Variants in ZFHX3 observed in about 807,000 individuals in gnomAD.
The protein encoded by ZFHX3 is zinc finger homeobox 3.
In ZFHX3, 42 loss-of-function variants were observed where a neutral mutation model predicts 279.1. The observed-to-expected ratio is 0.15, with a 90% CI of 0.12 to 0.19. ZFHX3 has a LOEUF of 0.19. Among genes scored for constraint, ZFHX3 ranks in the 10% least tolerant of loss-of-function variants. The pLI, the probability that ZFHX3 is intolerant of heterozygous loss-of-function variation, is 1.00. For missense variants in ZFHX3, 4,981 were observed against 4,754.0 expected (o/e 1.05, Z -1.40); for synonymous variants, 2,293 against 1,957.8 (o/e 1.17, Z -4.52).
At chr16:73,698,010 T>C (rs996526908) in intron 1 of ZFHX3, among the ~76,000 whole-genome samples, 3 of 151,834 alleles carry the variant, frequency 2.0e-5, no homozygotes, top group Non-Finnish European at 2.9e-5. Context: ...ATCTTTGTAG[T>C]GCCACAGCAT....
chr16:72,957,437 C>T lies in ZFHX3; in HGVS notation c.2709G>A (p.Thr903=), dbSNP rs150583300. The change falls in exon 2 of 10, where the codon ACG becomes ACA. Residue 903 remains threonine (T), a synonymous_variant. Coordinates refer to ENST00000268489, the MANE Select transcript of ZFHX3 (RefSeq NM_006885.4). ...CGTAGTCATCCTCACCTAGAGCAGG[C>T]GTCATGGCGGCCATGGGCCCGGCGG... The part of the protein sequence containing the change: ...LDPAGPMAAM[T]PALVGGEIPL... 185 of 1,608,894 alleles carry T rather than the reference C, an allele frequency of 1.1e-4. No homozygotes were observed. Among genetic ancestry groups the T allele is most frequent in the South Asian group, 7.8e-4 (70 of 90,210 alleles).
chr16:73,462,499 A>G (rs1456589302), intron 2 of ZFHX3, among the ~76,000 whole-genome samples: 1 of 152,142 alleles, frequency 6.6e-6, no homozygotes, highest in East Asian at 1.9e-4. Flanking sequence ...TCCTGGTTAT[A>G]GCGGAAAAGT....
chr16:73,288,699 A>G (rs1205121006), intron 4 of ZFHX3, among the ~76,000 whole-genome samples: 2 of 151,870 alleles, frequency 1.3e-5, no homozygotes, highest in African/African-American at 4.8e-5. Flanking sequence ...AGGCTTCTGC[A>G]GCAGCTGCTG....
chr16:73,708,083 G>GC (rs1430863834), intron 1 of ZFHX3, among the ~76,000 whole-genome samples: 1 of 150,998 alleles, frequency 6.6e-6, no homozygotes, highest in Non-Finnish European at 1.5e-5. Context: ...GTGTGGTGGG[G>GC]GGGGGAAGTA....
At chr16:73,370,724 C>T (rs1466225782) in intron 3 of ZFHX3, among the ~76,000 whole-genome samples, 1 of 152,224 alleles carries the variant, frequency 6.6e-6, no homozygotes, top group Non-Finnish European at 1.5e-5. Flanking sequence ...CATCCTGATC[C>T]AATCAAAGGG....
At chr16:72,829,676 C>G in intron 5 of ZFHX3, 103 bp downstream of exon 5, 1 of 1,318,104 alleles carries the variant, frequency 7.6e-7, no homozygotes, top group East Asian at 2.3e-5. Flanking sequence ...AAGGATGTAT[C>G]CGCTCCCTGA....
At chr16:73,644,853 G>A (rs1311667433) in intron 2 of ZFHX3, among the ~76,000 whole-genome samples, 1 of 152,098 alleles carries the variant, frequency 6.6e-6, no homozygotes, top group Non-Finnish European at 1.5e-5. Context: ...GAAGAAGTGA[G>A]CCCCTGTGTG....
At position 73,511,378 on chromosome 16, in the gene ZFHX3, G is replaced by T. The variant is rs576640229; in HGVS notation, c.-1546-55120C>A. Among the ~76,000 whole-genome samples the T allele has an allele frequency of 1.1e-4, 16 of 152,270 alleles. No homozygotes were observed. The East Asian group carries it at 2.1e-3, about 20-fold the overall frequency. On this transcript the variant is annotated intron_variant, in intron 2 of 17. Coordinates refer to the ZFHX3 transcript ENST00000641206. ...CTGTTTCTAGGGAAATCTAGGCCAA[G>T]ACAGTTGGTGCCAGGCATGGTGAAA...
intron 1 of ZFHX3, among the ~76,000 whole-genome samples, chr16:73,706,998 T>C (rs1217066749): frequency 1.3e-5 from 2 of 152,240 alleles, no homozygotes; most frequent in Non-Finnish European, 2.9e-5. Context: ...TTTGTGTTTT[T>C]AAATCAAAGA....
At chr16:73,747,689 T>C (rs1488629169) in intron 1 of ZFHX3, among the ~76,000 whole-genome samples, 1 of 152,214 alleles carries the variant, frequency 6.6e-6, no homozygotes, top group Non-Finnish European at 1.5e-5. Context: ...AATGTATGTA[T>C]GTGTAGATAT....
chr16:73,267,515 C>T (rs1322124670), intron 4 of ZFHX3, among the ~76,000 whole-genome samples: 1 of 152,074 alleles, frequency 6.6e-6, no homozygotes, highest in African/African-American at 2.4e-5. Flanking sequence ...TGAACATGTA[C>T]CAAATCATGG....
intron 7 of ZFHX3, among the ~76,000 whole-genome samples, chr16:73,095,561 G>A (rs1966150586): frequency 1.3e-5 from 2 of 152,216 alleles, no homozygotes; most frequent in African/African-American, 4.8e-5. Flanking sequence ...TGTTAAAACA[G>A]GTATAAATCA....
At chr16:73,101,529 C>A (rs556734064) in intron 7 of ZFHX3, among the ~76,000 whole-genome samples, 1 of 152,198 alleles carries the variant, frequency 6.6e-6, no homozygotes, top group East Asian at 1.9e-4. Flanking sequence ...CAGGCAAGCG[C>A]CACCACGCCC....
chr16:73,697,337 T>A (rs2053206991), intron 1 of ZFHX3, among the ~76,000 whole-genome samples: 1 of 152,184 alleles, frequency 6.6e-6, no homozygotes, highest in East Asian at 1.9e-4. Context: ...ATAAAGAGTT[T>A]TGTCATAAAT....
rs369592493 is a variant in ZFHX3 at position 73,634,458 on chromosome 16, AT to A, written c.-1547+45721del. Among the ~76,000 whole-genome samples the A allele has an allele frequency of 9.7e-5, 14 of 144,902 alleles. No homozygotes were observed. The East Asian group carries it at 2.6e-3, about 27-fold the overall frequency. Reference sequence around the variant, plus strand: ...AATATATATATATATATATATATATATATAAAATATATATGTAAAAGTCATA... The same window carrying A: ...AATATATATATATATATATATATATAATAAAATATATATGTAAAAGTCATA... On this transcript the variant is annotated intron_variant, in intron 2 of 17. Transcript: ENST00000641206.
chr16:73,858,790 T>C (rs573268480), intron 1 of ZFHX3, among the ~76,000 whole-genome samples: 1 of 152,332 alleles, frequency 6.6e-6, no homozygotes, highest in East Asian at 1.9e-4. Context: ...GATCATATCA[T>C]GATGATGGGA....
intron 1 of ZFHX3, among the ~76,000 whole-genome samples, chr16:73,691,593 T>C (rs1215641394): frequency 6.6e-6 from 1 of 152,216 alleles, no homozygotes; most frequent in African/African-American, 2.4e-5. Context: ...TACCCGATAA[T>C]CGATATCATA....
chr16:72,890,651 A>T (rs2038751508), intron 3 of ZFHX3, among the ~76,000 whole-genome samples: 1 of 152,232 alleles, frequency 6.6e-6, no homozygotes, highest in African/African-American at 2.4e-5. Context: ...GGGCCCTCCC[A>T]GTGCAACACC....
At chr16:73,073,783 G>T (rs1965852103) in intron 8 of ZFHX3, among the ~76,000 whole-genome samples, 1 of 152,220 alleles carries the variant, frequency 6.6e-6, no homozygotes, top group Non-Finnish European at 1.5e-5. Flanking sequence ...ACAGGCATGA[G>T]CCACCAAGCC....
Sources: gnomAD v4.1 joint callset for allele counts (sites outside exome capture counted in the v4.1 genomes callset) on GRCh38, gnomAD v4.1.1 for gene constraint, MANE v1.5 for transcripts, NCBI Gene and HGNC (gene_info 2026-07-23, HGNC 2026-07-21) for gene names.